The following DNAH7 variants were observed in gnomAD, a reference collection of about 807,000 sequenced individuals.
DNAH7 encodes the protein axonemal beta dynein heavy chain 7.
Under a neutral mutation model 444.6 loss-of-function variants are expected in DNAH7, and 397 were observed. The ratio of observed to expected loss-of-function variants is 0.89; its 90% confidence interval spans 0.82 to 0.97. The LOEUF is 0.97. Ranked by LOEUF, DNAH7 falls within the 50% of genes least tolerant of loss-of-function variation. DNAH7 has a pLI of 0.00. For missense variants in DNAH7, 4,902 were observed against 4,800.8 expected, an observed-to-expected ratio of 1.02 and a Z score of -0.62; for synonymous variants, 1,636 against 1,624.4, an observed-to-expected ratio of 1.01 and a Z score of -0.17.
chr2:195,907,066 A>G (rs909921405), intron 25 of DNAH7, 57 bp from the exon 26 acceptor site: 225 of 1,341,020 alleles, frequency 1.7e-4, no homozygotes, highest in Non-Finnish European at 2.2e-4. Flanking sequence ...GTTGCAATGA[A>G]ATGTTGTATT....
At chr2:196,067,460 A>ACT (rs61147475) in intron 1 of DNAH7, among the ~76,000 whole-genome samples, 6,702 of 60,486 alleles carry the variant, frequency 0.11, 343 homozygotes, top group African/African-American at 0.15. Flanking sequence ...TTGTATCTGA[A>ACT]CTTTTTGTTT....
intron 19 of DNAH7, among the ~76,000 whole-genome samples, chr2:195,949,593 T>C (rs759930137): frequency 4.6e-5 from 7 of 152,182 alleles, no homozygotes; most frequent in Non-Finnish European, 1.0e-4. Context: ...TTACCCTTTA[T>C]TTCTTTATCC....
chr2:196,014,002 T>C (rs1222098762), intron 9 of DNAH7, among the ~76,000 whole-genome samples: 2 of 152,194 alleles, frequency 1.3e-5, no homozygotes, highest in African/African-American at 4.8e-5. Flanking sequence ...CGTATTCGAT[T>C]TGAAACAGAA....
At chr2:195,774,521 C>T (rs1034288758) in intron 60 of DNAH7, among the ~76,000 whole-genome samples, 1 of 152,150 alleles carries the variant, frequency 6.6e-6, no homozygotes, top group African/African-American at 2.4e-5. Flanking sequence ...GGCTATCTGC[C>T]TTTCAGAATC....
At chr2:196,010,299 G>A (rs1307576934) in intron 10 of DNAH7, among the ~76,000 whole-genome samples, 9 of 151,862 alleles carry the variant, frequency 5.9e-5, no homozygotes, top group African/African-American at 9.7e-5. Context: ...ACAGGTGTGC[G>A]CCACCACACC....
chr2:195,808,479 C>A (rs534374926), intron 53 of DNAH7, among the ~76,000 whole-genome samples: 2 of 152,316 alleles, frequency 1.3e-5, no homozygotes, highest in East Asian at 3.9e-4. Context: ...AGCATTCTTG[C>A]ATCTTAATAC....
chr2:196,019,541 A>G (rs1695244273), intron 8 of DNAH7, among the ~76,000 whole-genome samples: 1 of 152,276 alleles, frequency 6.6e-6, no homozygotes, highest in Middle Eastern at 3.4e-3. Flanking sequence ...ACTAATTTTT[A>G]TCTCCAAATA....
At chr2:195,929,671 TGAA>T (rs1688562413) in intron 21 of DNAH7, among the ~76,000 whole-genome samples, 1 of 152,190 alleles carries the variant, frequency 6.6e-6, no homozygotes, top group Admixed American at 6.5e-5. Flanking sequence ...GCTAGCCATA[TGAA>T]GAAGAATGAA....
At chr2:195,928,107 T>C (rs1574795887) in intron 21 of DNAH7, among the ~76,000 whole-genome samples, 1 of 152,132 alleles carries the variant, frequency 6.6e-6, no homozygotes, top group African/African-American at 2.4e-5. Context: ...ACAGTGTCTA[T>C]TGTTGCCATG....
chr2:195,991,633 A>G (rs1850859), intron 12 of DNAH7, among the ~76,000 whole-genome samples: 5,429 of 152,300 alleles, frequency 0.036, 314 homozygotes, highest in African/African-American at 0.12. Flanking sequence ...GCTATGCAGA[A>G]CCCTGTACAT....
At chr2:196,061,659 T>C (rs1698140162) in intron 1 of DNAH7, among the ~76,000 whole-genome samples, 1 of 152,108 alleles carries the variant, frequency 6.6e-6, no homozygotes, top group African/African-American at 2.4e-5. Context: ...CCATTATTAC[T>C]GTAACCATGG....
chr2:195,839,258 A>G (rs1698546711), intron 47 of DNAH7, among the ~76,000 whole-genome samples: 1 of 151,880 alleles, frequency 6.6e-6, no homozygotes, highest in Non-Finnish European at 1.5e-5. Flanking sequence ...TTAAAAAAAT[A>G]TATTTCTGAA....
intron 24 of DNAH7, among the ~76,000 whole-genome samples, chr2:195,915,089 G>A (rs1431766161): frequency 1.3e-5 from 2 of 152,064 alleles, no homozygotes; most frequent in East Asian, 1.9e-4. Context: ...GTGCTGGGGA[G>A]AGAGAGAAAA....
chr2:196,066,536 T>C (rs1698438860), intron 1 of DNAH7, among the ~76,000 whole-genome samples: 1 of 152,214 alleles, frequency 6.6e-6, no homozygotes, highest in Non-Finnish European at 1.5e-5. Flanking sequence ...CTTCCTGGTC[T>C]TCGGATATTT....
intron 48 of DNAH7, among the ~76,000 whole-genome samples, chr2:195,831,184 T>G (rs1215612737): frequency 6.6e-6 from 1 of 152,230 alleles, no homozygotes; most frequent in African/African-American, 2.4e-5. Flanking sequence ...ATTTGTATGA[T>G]TAGTATTTTA....
intron 8 of DNAH7, among the ~76,000 whole-genome samples, chr2:196,021,352 T>C (rs1222252220): frequency 6.6e-6 from 1 of 152,096 alleles, no homozygotes; most frequent in Non-Finnish European, 1.5e-5. Flanking sequence ...TAAGAACAAT[T>C]AGTTGTATAG....
chr2:196,042,003 C>T (rs1696794256), intron 5 of DNAH7, among the ~76,000 whole-genome samples: 1 of 151,880 alleles, frequency 6.6e-6, no homozygotes, highest in Non-Finnish European at 1.5e-5. Context: ...AAAGCAAAAC[C>T]ACAATGAGAT....
intron 64 of DNAH7, among the ~76,000 whole-genome samples, chr2:195,738,949 A>G (rs1692821600): frequency 6.6e-6 from 1 of 152,166 alleles, no homozygotes; most frequent in African/African-American, 2.4e-5. Context: ...TAACTGTGGA[A>G]TCCAGATTTT....
chr2:195,767,195 T>C (rs552310625), intron 61 of DNAH7, among the ~76,000 whole-genome samples: 1 of 152,238 alleles, frequency 6.6e-6, no homozygotes, highest in South Asian at 2.1e-4. Flanking sequence ...TGTGAGTTAT[T>C]AAGAAGTGTT....
Sources: allele counts gnomAD v4.1 joint callset (sites outside exome capture counted in the v4.1 genomes callset), GRCh38; gene constraint gnomAD v4.1.1; transcripts MANE v1.5; gene names NCBI Gene and HGNC (gene_info 2026-07-23, HGNC 2026-07-21).